EHMT1: variants seen among roughly 807,000 people sequenced by gnomAD.
EHMT1 encodes histone-lysine N-methyltransferase EHMT1.
A neutral mutation model predicts 147.2 loss-of-function variants in EHMT1; 15 were observed. The observed-to-expected ratio is 0.10, with a 90% CI of 0.07 to 0.16. The LOEUF (loss-of-function observed/expected upper bound fraction) is 0.16, where lower values mean the gene tolerates loss of function less well. Among genes scored for constraint, EHMT1 ranks in the 10% least tolerant of loss-of-function variants. The pLI, the probability that EHMT1 is intolerant of heterozygous loss-of-function variation, is 1.00. For synonymous variants in EHMT1, 795 were observed against 709.6 expected (o/e 1.12, Z -1.91); for missense variants, 1,587 against 1,772.4 (o/e 0.90, Z 1.88).
At chr9:137,768,474 C>T (rs1950366694) in intron 10 of EHMT1, among the ~76,000 whole-genome samples, 1 of 145,062 alleles carries the variant, frequency 6.9e-6, no homozygotes, top group African/African-American at 2.5e-5. Context: ...TTGCCTCAGC[C>T]TCCCAAGTAG....
chr9:137,681,985 C>T (rs1462941891), intron 1 of EHMT1, among the ~76,000 whole-genome samples: 1 of 152,110 alleles, frequency 6.6e-6, no homozygotes, highest in Non-Finnish European at 1.5e-5. Flanking sequence ...CAGTCTCGCT[C>T]TGTCGCCCAG....
intron 1 of EHMT1, among the ~76,000 whole-genome samples, chr9:137,666,834 C>G (rs1189283382): frequency 6.6e-6 from 1 of 152,160 alleles, no homozygotes; most frequent in African/African-American, 2.4e-5. Context: ...GAAAATAAGA[C>G]GTTGCTCAAG....
chr9:137,666,683 C>T (rs1175716410), intron 1 of EHMT1, among the ~76,000 whole-genome samples: 1 of 152,206 alleles, frequency 6.6e-6, no homozygotes, highest in African/African-American at 2.4e-5. Context: ...CCCCTCGGAG[C>T]CTGTGTAGTC....
rs760036184 is a variant in EHMT1, at chr9:137,834,494, C to G, written c.3686C>G (p.Thr1229Ser). The part of the protein sequence containing the change: ...LRFPRIAFFS[T>S]RLIEAGEQLG... ...TTCCCCCGGATCGCCTTCTTCAGCACCCGCCTGATCGAGGCCGGCGAGCAG... is the reference window on the plus strand; with the variant it reads ...TTCCCCCGGATCGCCTTCTTCAGCAGCCGCCTGATCGAGGCCGGCGAGCAG... The change falls in exon 26 of 27, where the codon ACC (threonine) becomes AGC (serine). Residue 1229 changes from threonine (T) to serine (S), a missense_variant. Thr to Ser is a moderately conservative substitution (Grantham distance 58). Transcript: ENST00000460843. 21 of 1,612,062 alleles carry G rather than the reference C, an allele frequency of 1.3e-5. No individual in the cohort carries two copies. Among genetic ancestry groups the G allele is most frequent in the Non-Finnish European group, 1.7e-5 (20 of 1,179,782 alleles).
chr9:137,721,056 C>A (rs986806359), intron 3 of EHMT1, among the ~76,000 whole-genome samples: 1 of 152,014 alleles, frequency 6.6e-6, no homozygotes, highest in South Asian at 2.1e-4. Context: ...TTATTTAGCG[C>A]TTCTGTTGGG....
intron 18 of EHMT1, chr9:137,803,234 T>C (rs1953651283): frequency 1.8e-6 from 2 of 1,113,214 alleles, no homozygotes; most frequent in South Asian, 4.5e-5. Context: ...ACTTTATTGC[T>C]GTATAATAGG....
chr9:137,678,715 C>A (rs1259662699), intron 1 of EHMT1, among the ~76,000 whole-genome samples: 1 of 149,216 alleles, frequency 6.7e-6, no homozygotes, highest in South Asian at 2.2e-4. Context: ...AATGTCCCCC[C>A]CCCCGCTCCC....
rs1954687982 is a variant in EHMT1 at position 137,813,811 on chromosome 9, C to T, written c.3180+281C>T. Reference sequence around the variant, plus strand: ...TTTGTGCCTTTTTTGTAACCTCACACTCAGGGGCCCCGGTGTGGCTTCGTG... The same window carrying T: ...TTTGTGCCTTTTTTGTAACCTCACATTCAGGGGCCCCGGTGTGGCTTCGTG... On this transcript the variant is annotated intron_variant, in intron 21 of 26. Coordinates refer to ENST00000460843, the MANE Select transcript of EHMT1 (RefSeq NM_024757.5). The surrounding 1 kb of genome is among the most constrained non-coding windows in gnomAD (Gnocchi z 4.9). Among the ~76,000 whole-genome samples, 1 of 152,198 alleles carries T rather than the reference C, an allele frequency of 6.6e-6. No homozygotes were observed. The highest frequency in any genetic ancestry group is 1.5e-5 in the Non-Finnish European group (1 of 68,030).
In EHMT1 at chr9:137,749,154, A is replaced by C. The variant is rs571239213; in HGVS notation, c.1171-3177A>C. 3.3e-5 allele frequency among the ~76,000 whole-genome samples: 5 copies of C among 151,772 alleles called. No individual in the cohort carries two copies. In the East Asian group the frequency reaches 9.7e-4, roughly 29 times the overall value. ...GCTCCTGGCCTGCTCCTGACCTGCT[A>C]CCCACCCCCAGGACAGATGTGGGAA... On this transcript the variant is annotated intron_variant, in intron 6 of 26. Coordinates refer to ENST00000460843, the MANE Select transcript of EHMT1 (RefSeq NM_024757.5).
intron 1 of EHMT1, among the ~76,000 whole-genome samples, chr9:137,654,718 G>A (rs938055094): frequency 2.0e-5 from 3 of 152,200 alleles, no homozygotes. Context: ...ATGCCTGAAG[G>A]CTTGAGTAAA....
rs1956520990 is a variant in EHMT1, at chr9:137,835,363, C to T, written c.*410C>T. 1 of 161,030 alleles carries T rather than the reference C, an allele frequency of 6.2e-6. No individual in the cohort carries two copies. The highest frequency in any genetic ancestry group is 2.0e-4 in the South Asian group (1 of 5,042). The allele number at this position is 161,030 out of a possible 1,614,324, so 10.0% of individuals were successfully genotyped here. A position where few individuals can be genotyped will look rare whatever the true frequency, so the allele number is the denominator to read the frequency against. On this transcript the variant is annotated 3_prime_UTR_variant, in exon 27 of 27. Transcript: ENST00000460843. ...GCCCAGACTCTTCTGTGTGGCGCCG[C>T]CGAAGCCACCGTTAGCGCGAGCTGC...
At chr9:137,701,594 G>T (rs1363573251) in intron 1 of EHMT1, among the ~76,000 whole-genome samples, 18 of 150,350 alleles carry the variant, frequency 1.2e-4, no homozygotes, top group African/African-American at 3.7e-4. Context: ...GAGTAGCTGG[G>T]ATTACAGGTG....
Position 137,666,731 on chromosome 9 carries a change from G to C in EHMT1, c.22-44236G>C, listed in dbSNP as rs918722492. On this transcript the variant is annotated intron_variant, in intron 1 of 26. Coordinates refer to ENST00000460843, the MANE Select transcript of EHMT1 (RefSeq NM_024757.5). ...TGTGGGTTGTGTGATGATCCTGTCT[G>C]CGTGTTCATTGGGAGACTCCATTTT... Among the ~76,000 whole-genome samples, 5 of 152,202 alleles carry C rather than the reference G, an allele frequency of 3.3e-5. No homozygotes were observed. The East Asian group carries it at 9.6e-4, about 29-fold the overall frequency.
intron 6 of EHMT1, among the ~76,000 whole-genome samples, chr9:137,752,016 C>G (rs1005724045): frequency 1.3e-5 from 2 of 152,242 alleles, no homozygotes; most frequent in Admixed American, 1.3e-4. Context: ...CTCACTGATA[C>G]AGCACCCAGC....
chr9:137,727,278 G>A (rs1259058753), intron 3 of EHMT1, among the ~76,000 whole-genome samples: 1 of 152,074 alleles, frequency 6.6e-6, no homozygotes, highest in Non-Finnish European at 1.5e-5. Context: ...CACCACACCT[G>A]GCCCAGAAAT....
At chr9:137,625,945 T>C (rs886720548) in intron 1 of EHMT1, among the ~76,000 whole-genome samples, 6 of 151,490 alleles carry the variant, frequency 4.0e-5, no homozygotes, top group African/African-American at 1.5e-4. Flanking sequence ...AACCTCTGCC[T>C]CCCGGGTTCA....
At chr9:137,692,555 C>T (rs1378121675) in intron 1 of EHMT1, among the ~76,000 whole-genome samples, 2 of 151,996 alleles carry the variant, frequency 1.3e-5, no homozygotes, top group African/African-American at 2.4e-5. Context: ...CGTGAGCCAC[C>T]GAGCCCGGCC....
At chr9:137,720,631 T>C (rs1243255925) in intron 3 of EHMT1, among the ~76,000 whole-genome samples, 4 of 152,182 alleles carry the variant, frequency 2.6e-5, no homozygotes, top group Admixed American at 2.0e-4. Context: ...AATGGAATTA[T>C]AATGTATGTA....
chr9:137,717,255 G>T (rs1564631209), intron 3 of EHMT1, 73 bp downstream of exon 3: 3 of 1,556,714 alleles, frequency 1.9e-6, no homozygotes, highest in Admixed American at 1.8e-5. Flanking sequence ...ATGGACTTTG[G>T]TGCATTGAGG....
Sources: allele counts gnomAD v4.1 joint callset (sites outside exome capture counted in the v4.1 genomes callset), GRCh38; gene constraint gnomAD v4.1.1; non-coding constraint Gnocchi (gnomAD v3.1); transcripts MANE v1.5; gene names NCBI Gene and HGNC (gene_info 2026-07-23, HGNC 2026-07-21).